Variants in GATAD2A observed in about 807,000 individuals in gnomAD.
The protein encoded by GATAD2A is GATA zinc finger domain containing 2A.
Under a neutral mutation model 68.5 loss-of-function variants are expected in GATAD2A, and 12 were observed. The ratio of observed to expected loss-of-function variants is 0.18; its 90% confidence interval spans 0.11 to 0.28. GATAD2A has a LOEUF of 0.28. Ranked by LOEUF, GATAD2A falls within the 10% of genes least tolerant of loss-of-function variation. GATAD2A has a pLI of 1.00. For missense variants in GATAD2A, 755 were observed against 868.5 expected (o/e 0.87, Z 1.64); for synonymous variants, 410 against 375.3 (o/e 1.09, Z -1.07).
intron 1 of GATAD2A, among the ~76,000 whole-genome samples, chr19:19,431,790 C>T (rs992635806): frequency 6.6e-6 from 1 of 151,812 alleles, no homozygotes; most frequent in Non-Finnish European, 1.5e-5. Context: ...GATACCCCTG[C>T]CCTTGTGGTG....
intron 1 of GATAD2A, among the ~76,000 whole-genome samples, chr19:19,448,395 G>A (rs1165758156): frequency 6.6e-6 from 1 of 152,270 alleles, no homozygotes; most frequent in East Asian, 1.9e-4. Context: ...TCAAATGAGG[G>A]CAGTGTTGGG....
At chr19:19,450,293 G>T (rs982974619) in intron 1 of GATAD2A, among the ~76,000 whole-genome samples, 2 of 152,176 alleles carry the variant, frequency 1.3e-5, no homozygotes. Context: ...GGCACACCTG[G>T]GTTGTCACAT....
chr19:19,442,970 C>T (rs1359485904), intron 1 of GATAD2A, among the ~76,000 whole-genome samples: 1 of 151,970 alleles, frequency 6.6e-6, no homozygotes, highest in African/African-American at 2.4e-5. Flanking sequence ...GGCAAGGTTC[C>T]CTCGCATGGC....
At chr19:19,489,587 C>A (rs1021048028) in intron 2 of GATAD2A, among the ~76,000 whole-genome samples, 1 of 152,210 alleles carries the variant, frequency 6.6e-6, no homozygotes, top group African/African-American at 2.4e-5. Flanking sequence ...GGCCAGGGAG[C>A]GCTGTGGGCA....
chr19:19,501,585 A>C (rs2060526604), intron 9 of GATAD2A, among the ~76,000 whole-genome samples, 169 bp downstream of exon 9: 1 of 152,256 alleles, frequency 6.6e-6, no homozygotes. Context: ...TAGACTTTGT[A>C]GCTCTCACTT....
chr19:19,498,502 C>G lies in GATAD2A; in HGVS notation c.984C>G (p.Pro328=). 1 of 1,613,764 alleles carries G rather than the reference C, an allele frequency of 6.2e-7. No homozygotes were observed. The change falls in exon 8 of 12, where the codon CCC becomes CCG. Residue 328 remains proline (P), a synonymous_variant. Coordinates refer to ENST00000683918, the MANE Select transcript of GATAD2A (RefSeq NM_001384528.1). ...TATSAQANST[P]TSVASVVTSA... ...CCTCCGCTCAGGCCAACTCCACCCC[C>G]ACTAGTGTGGCCTCTGTGGTCACCT...
intron 1 of GATAD2A, among the ~76,000 whole-genome samples, chr19:19,394,560 C>G (rs991931569): frequency 1.3e-5 from 2 of 151,558 alleles, no homozygotes; most frequent in Admixed American, 6.6e-5. Context: ...ATTCTCCTGT[C>G]TCAGCCTCCT....
intron 2 of GATAD2A, among the ~76,000 whole-genome samples, chr19:19,476,534 C>G (rs2058688690): frequency 6.6e-6 from 1 of 152,248 alleles, no homozygotes; most frequent in Admixed American, 6.5e-5. Flanking sequence ...GCTTTTCAGT[C>G]TGCAGCCAGC....
intron 1 of GATAD2A, among the ~76,000 whole-genome samples, chr19:19,455,189 T>C (rs2056813426): frequency 1.3e-5 from 2 of 151,952 alleles, no homozygotes; most frequent in South Asian, 4.2e-4. Context: ...ACCCCATCTC[T>C]TAAAAAAATT....
At chr19:19,451,085 A>G (rs1376504967) in intron 1 of GATAD2A, among the ~76,000 whole-genome samples, 1 of 151,932 alleles carries the variant, frequency 6.6e-6, no homozygotes, top group East Asian at 1.9e-4. Flanking sequence ...TCAAACTTTT[A>G]AAAAGTGGGG....
At chr19:19,391,331 C>A (rs1479132055) in intron 1 of GATAD2A, among the ~76,000 whole-genome samples, 1 of 152,154 alleles carries the variant, frequency 6.6e-6, no homozygotes, top group South Asian at 2.1e-4. Flanking sequence ...CTCTCTTCCT[C>A]CTTCCCTCCT....
chr19:19,446,282 C>T (rs1409731038), intron 1 of GATAD2A, among the ~76,000 whole-genome samples: 2 of 152,146 alleles, frequency 1.3e-5, no homozygotes, highest in Admixed American at 6.6e-5. Context: ...TGACTAATGA[C>T]ACTGAGACAG....
chr19:19,462,982 A>T (rs1251762476), intron 1 of GATAD2A, among the ~76,000 whole-genome samples: 4 of 152,122 alleles, frequency 2.6e-5, no homozygotes, highest in African/African-American at 9.7e-5. Flanking sequence ...TCTTTGAGTC[A>T]CAGGGAAGGG....
intron 1 of GATAD2A, among the ~76,000 whole-genome samples, chr19:19,451,217 C>CA (rs76501212): frequency 0.028 from 3,700 of 131,112 alleles, 89 homozygotes; most frequent in South Asian, 0.1. Flanking sequence ...TAGTAAAATA[C>CA]AAAAAAAAAA....
At chr19:19,477,055 CTG>C (rs1447538612) in intron 2 of GATAD2A, among the ~76,000 whole-genome samples, 1 of 152,188 alleles carries the variant, frequency 6.6e-6, no homozygotes, top group Non-Finnish European at 1.5e-5. Flanking sequence ...CTTGTCTCCT[CTG>C]TGAATTGAGG....
At chr19:19,487,958 G>A (rs959660724) in intron 2 of GATAD2A, among the ~76,000 whole-genome samples, 4 of 152,062 alleles carry the variant, frequency 2.6e-5, no homozygotes, top group African/African-American at 9.7e-5. Context: ...TGTGGCTGGA[G>A]AAGGCATTGC....
intron 1 of GATAD2A, among the ~76,000 whole-genome samples, chr19:19,448,866 A>T (rs537307537): frequency 1.3e-5 from 2 of 152,256 alleles, no homozygotes; most frequent in South Asian, 4.1e-4. Flanking sequence ...TGTCTGGTAC[A>T]ACTTGGGGGT....
intron 1 of GATAD2A, among the ~76,000 whole-genome samples, chr19:19,391,719 T>C (rs1298607740): frequency 6.6e-6 from 1 of 152,178 alleles, no homozygotes; most frequent in Non-Finnish European, 1.5e-5. Context: ...ATTTATTAGA[T>C]GTAATGTAAT....
chr19:19,423,065 G>A (rs957726776), intron 1 of GATAD2A, among the ~76,000 whole-genome samples: 4 of 152,156 alleles, frequency 2.6e-5, no homozygotes. Context: ...GGCGTGCAGT[G>A]GCACAAAAAT....
Sources: allele counts gnomAD v4.1 joint callset (sites outside exome capture counted in the v4.1 genomes callset), GRCh38; gene constraint gnomAD v4.1.1; transcripts MANE v1.5; gene names NCBI Gene and HGNC (gene_info 2026-07-23, HGNC 2026-07-21).